Variants in PATJ observed in about 807,000 individuals in gnomAD.
The protein encoded by PATJ is PATJ crumbs cell polarity complex component, also known as inaD-like protein.
In PATJ, 190 loss-of-function variants were observed where a neutral mutation model predicts 224.9. The observed-to-expected ratio is 0.84, with a 90% confidence interval of 0.75 to 0.95. PATJ has a LOEUF of 0.95. PATJ is among the 40% of genes least tolerant of loss of function. PATJ has a pLI of 0.00. For missense variants in PATJ, 2,121 were observed against 2,270.3 expected (o/e 0.93, Z 1.34); for synonymous variants, 769 against 820.3 (o/e 0.94, Z 1.07).
Position 62,161,710 on chromosome 1 carries a change from A to G in PATJ, c.*656A>G, listed in dbSNP as rs1371197278. On this transcript the variant is annotated 3_prime_UTR_variant, in exon 44 of 44. Coordinates refer to ENST00000642238, the MANE Select transcript of PATJ (RefSeq NM_001350145.3). ...CTGGAGTTAACTTCTCTTTCCTTAT[A>G]CTCTTCTCTCCCTATCCCCTACTCA... 1.3e-5 allele frequency: 2 copies of G among 151,306 alleles called. No homozygotes were observed. Among genetic ancestry groups the G allele is most frequent in the African/African-American group, 4.9e-5 (2 of 41,174 alleles). The allele number at this position is 151,306 out of a possible 1,614,324, so 9.4% of individuals were successfully genotyped here.
intron 8 of PATJ, among the ~76,000 whole-genome samples, chr1:61,790,207 G>GAA (rs35646597): frequency 2.8e-3 from 323 of 114,076 alleles, no homozygotes; most frequent in Middle Eastern, 8.8e-3. Context: ...CTGTCTCTGA[G>GAA]AAAAAAAAAA....
intron 31 of PATJ, among the ~76,000 whole-genome samples, chr1:62,071,286 A>G (rs1483165944): frequency 6.6e-6 from 1 of 152,182 alleles, no homozygotes; most frequent in East Asian, 1.9e-4. Context: ...TGGGGCTACC[A>G]TAGCCCAATT....
At chr1:61,860,793 C>T (rs1012895521) in intron 18 of PATJ, among the ~76,000 whole-genome samples, 10 of 150,782 alleles carry the variant, frequency 6.6e-5, no homozygotes, top group African/African-American at 2.4e-4. Context: ...CACCACTGCA[C>T]TCCAGTCTGG....
intron 31 of PATJ, among the ~76,000 whole-genome samples, chr1:62,073,823 C>G (rs188143332): frequency 1.3e-5 from 2 of 152,032 alleles, no homozygotes; most frequent in East Asian, 3.9e-4. Flanking sequence ...GACTCCATCT[C>G]CAAAAAAATT....
intron 39 of PATJ, 119 bp downstream of exon 39, chr1:62,123,177 A>T: frequency 1.4e-6 from 1 of 695,158 alleles, no homozygotes; most frequent in Non-Finnish European, 2.5e-6. Flanking sequence ...TTACTGAGAT[A>T]AAAATATGGT....
chr1:62,035,214 T>A (rs1023527965), intron 29 of PATJ, among the ~76,000 whole-genome samples: 2 of 152,214 alleles, frequency 1.3e-5, no homozygotes, highest in African/African-American at 4.8e-5. Context: ...CTTAACATAA[T>A]AGTGTCTGCT....
intron 16 of PATJ, among the ~76,000 whole-genome samples, chr1:61,830,489 A>G (rs1001776342): frequency 2.8e-5 from 4 of 144,294 alleles, no homozygotes; most frequent in African/African-American, 1.0e-4. Context: ...GAATTAGAAA[A>G]AAACTATTCT....
chr1:61,873,083 CAT>C (rs1415985521), intron 20 of PATJ, among the ~76,000 whole-genome samples: 2 of 152,096 alleles, frequency 1.3e-5, no homozygotes, highest in African/African-American at 4.8e-5. Flanking sequence ...TAAAGAATAA[CAT>C]AGTGTTACCT....
At chr1:61,881,972 T>A (rs1159746884) in intron 21 of PATJ, among the ~76,000 whole-genome samples, 1 of 152,220 alleles carries the variant, frequency 6.6e-6, no homozygotes, top group Non-Finnish European at 1.5e-5. Context: ...AGTATACTCA[T>A]ATTTTTTAAA....
At chr1:61,769,805 G>A (rs983010602) in intron 5 of PATJ, among the ~76,000 whole-genome samples, 3 of 152,130 alleles carry the variant, frequency 2.0e-5, no homozygotes, top group Non-Finnish European at 4.4e-5. Flanking sequence ...CAGTAAGATA[G>A]GAATATTGAA....
chr1:61,783,656 A>AT (rs148893514), intron 7 of PATJ, among the ~76,000 whole-genome samples: 4,173 of 147,124 alleles, frequency 0.028, 182 homozygotes, highest in African/African-American at 0.098. Flanking sequence ...TAGGTTTAAA[A>AT]TTTTTTTTTT....
chr1:61,787,590 AC>A (rs2148483851), intron 7 of PATJ, among the ~76,000 whole-genome samples, 163 bp from the exon 8 acceptor site: 1 of 152,140 alleles, frequency 6.6e-6, no homozygotes, highest in Non-Finnish European at 1.5e-5. Flanking sequence ...AAATTCCTTT[AC>A]TCTTGCCATT....
chr1:62,103,304 C>T (rs1203279461), intron 33 of PATJ, among the ~76,000 whole-genome samples: 2 of 152,226 alleles, frequency 1.3e-5, no homozygotes, highest in East Asian at 1.9e-4. Flanking sequence ...CTAGTCAAGT[C>T]TGAACCCTTA....
intron 33 of PATJ, among the ~76,000 whole-genome samples, chr1:62,107,459 G>A (rs1376022326): frequency 6.6e-6 from 1 of 152,138 alleles, no homozygotes; most frequent in African/African-American, 2.4e-5. Flanking sequence ...TCCCCAAAGC[G>A]AAGAATTTCA....
intron 20 of PATJ, among the ~76,000 whole-genome samples, chr1:61,871,020 G>T (rs902409662): frequency 1.3e-5 from 2 of 149,952 alleles, no homozygotes; most frequent in African/African-American, 4.9e-5. Context: ...GTATTCTTTG[G>T]AGAAATGTCT....
At chr1:62,001,047 T>C (rs1273859079) in intron 28 of PATJ, among the ~76,000 whole-genome samples, 8 of 152,168 alleles carry the variant, frequency 5.3e-5, no homozygotes, top group South Asian at 2.1e-4. Context: ...TTTGTTTTTT[T>C]CTTGTAAATT....
chr1:61,866,226 T>C (rs1408260937), intron 20 of PATJ, among the ~76,000 whole-genome samples: 2 of 152,218 alleles, frequency 1.3e-5, no homozygotes, highest in Non-Finnish European at 2.9e-5. Flanking sequence ...TCCCTTGTTC[T>C]GTTTTCTTCT....
chr1:61,795,820 T>G (rs925720129), intron 10 of PATJ, among the ~76,000 whole-genome samples: 1 of 152,194 alleles, frequency 6.6e-6, no homozygotes, highest in African/African-American at 2.4e-5. Context: ...TGAAAGATGT[T>G]CTAGCATTAT....
In PATJ at chr1:61,914,589, C is replaced by A; in HGVS notation, c.3495C>A (p.Val1165=). Residue 1165 remains valine, a splice_region_variant and synonymous_variant, in exon 26 of 44, where the codon GTC becomes GTA. Transcript: ENST00000642238. ...CACCCCTTTTTTTGTCACCATAGGTCATTCCTAACGTACATAACAAGGCCA... is the reference window on the plus strand; with the variant it reads ...CACCCCTTTTTTTGTCACCATAGGTAATTCCTAACGTACATAACAAGGCCA... ...IVQSLSSTPR[V]IPNVHNKANK... 3 of 1,495,508 alleles carry A rather than the reference C, an allele frequency of 2.0e-6. No homozygotes were observed. In the South Asian group the frequency reaches 3.5e-5, roughly 17 times the overall value. 92.6% of individuals were successfully genotyped at this position (1,495,508 alleles called of 1,614,324 possible). A position where few individuals can be genotyped will look rare whatever the true frequency, so the allele number is the denominator to read the frequency against.
Sources: allele counts gnomAD v4.1 joint callset (sites outside exome capture counted in the v4.1 genomes callset), GRCh38; gene constraint gnomAD v4.1.1; transcripts MANE v1.5; gene names NCBI Gene and HGNC (gene_info 2026-07-23, HGNC 2026-07-21).